Variants in MYO18B observed in about 807,000 individuals in gnomAD.
MYO18B encodes the protein unconventional myosin-XVIIIb.
In MYO18B, 204 loss-of-function variants were observed where a neutral mutation model predicts 273.0. That is an observed-to-expected ratio of 0.75 (90% confidence interval 0.67 to 0.84). MYO18B has a LOEUF of 0.84. Ranked by LOEUF, MYO18B falls within the 40% of genes least tolerant of loss-of-function variation. MYO18B has a pLI of 0.00. For synonymous variants in MYO18B, 1,330 were observed against 1,305.7 expected (o/e 1.02, Z -0.40); for missense variants, 3,212 against 3,287.6 (o/e 0.98, Z 0.56).
chr22:25,763,259 C>T lies in MYO18B; in HGVS notation c.68C>T (p.Pro23Leu). Reference sequence around the variant, plus strand: ...CGGGAAGAGGACAAGAGCCCTCCACCATCCTCGCCCCCTCCTCTTTTCTCT... The same window carrying T: ...CGGGAAGAGGACAAGAGCCCTCCACTATCCTCGCCCCCTCCTCTTTTCTCT... ...KIREEDKSPP[P>L]SSPPPLFSVI... Residue 23 changes from proline to leucine, a missense_variant, in exon 3 of 44, where the codon CCA (proline) becomes CTA (leucine). Pro to Leu is a moderately conservative substitution (Grantham distance 98). Coordinates refer to ENST00000335473, the MANE Select transcript of MYO18B (RefSeq NM_032608.7). 19 of 1,610,354 alleles carry T rather than the reference C, an allele frequency of 1.2e-5. No individual in the cohort carries two copies. Among genetic ancestry groups the T allele is most frequent in the Non-Finnish European group, 1.6e-5 (19 of 1,177,932 alleles).
At chr22:25,855,876 A>G (rs565660336) in intron 21 of MYO18B, among the ~76,000 whole-genome samples, 1 of 150,926 alleles carries the variant, frequency 6.6e-6, no homozygotes, top group South Asian at 2.1e-4. Flanking sequence ...GTACACATGC[A>G]TGTTTATTAT....
intron 17 of MYO18B, among the ~76,000 whole-genome samples, chr22:25,839,150 GTATA>G (rs758723541): frequency 6.6e-6 from 1 of 151,954 alleles, no homozygotes; most frequent in East Asian, 1.9e-4. Context: ...GTATGAGTGT[GTATA>G]TATGTGTGTG....
Position 26,019,138 on chromosome 22 carries a change from G to A in MYO18B, c.6471-7307G>A, listed in dbSNP as rs180721684. ...TACACTGCTCTCCCCAGGAGGGGAG[G>A]GCAGCCCATCTTCTGCTGCTATGTG... On this transcript the variant is annotated intron_variant, in intron 42 of 43. Coordinates refer to ENST00000335473, the MANE Select transcript of MYO18B (RefSeq NM_032608.7). 3.9e-5 allele frequency among the ~76,000 whole-genome samples: 6 copies of A among 152,186 alleles called. No individual in the cohort carries two copies. The East Asian group carries it at 1.2e-3, about 29-fold the overall frequency.
At chr22:25,924,868 A>G (rs1172155754) in intron 34 of MYO18B, among the ~76,000 whole-genome samples, 1 of 152,190 alleles carries the variant, frequency 6.6e-6, no homozygotes, top group Non-Finnish European at 1.5e-5. Context: ...AGAAGGGACA[A>G]ACTTGGAGCT....
Position 26,027,511 on chromosome 22 carries a change from G to A in MYO18B, c.7537G>A (p.Gly2513Ser), listed in dbSNP as rs7284177. Residue 2513 changes from glycine (G) to serine (S), a missense_variant, in exon 43 of 44, where the codon GGC becomes AGC. By Grantham distance (56) the Gly-to-Ser change is moderately conservative (BLOSUM62 0). Coordinates refer to ENST00000335473, the MANE Select transcript of MYO18B (RefSeq NM_032608.7). This position sits in a 1 kb window ranked among gnomAD's most constrained non-coding sequence, Gnocchi z 4.1. ...AHLSDSSSSSGSIVSFKSADS... is the reference protein window; with the variant it reads ...AHLSDSSSSSSSIVSFKSADS... ...CCTGTCTGACTCGTCCTCATCCTCC[G>A]GCTCCATCGTGTCCTTCAAAAGTGC... 0.027 allele frequency: 44,062 copies of A among 1,613,860 alleles called. 1,778 individuals carry two copies. The highest frequency in any genetic ancestry group is 0.19 in the African/African-American group (13,902 of 74,980).
At chr22:25,947,640 C>T (rs2092730375) in intron 35 of MYO18B, 72 bp from the exon 36 acceptor site, 2 of 1,152,996 alleles carry the variant, frequency 1.7e-6, no homozygotes, top group South Asian at 2.6e-5. Context: ...CCCCTCTTTG[C>T]TCTTCCTCTG....
chr22:25,926,850 G>C (rs1026248290), intron 34 of MYO18B, among the ~76,000 whole-genome samples: 1 of 152,336 alleles, frequency 6.6e-6, no homozygotes, highest in Non-Finnish European at 1.5e-5. Context: ...ACCAGCTGAA[G>C]CCATGGCAGA....
chr22:26,031,497 A>G (rs952558769), downstream of MYO18B, among the ~76,000 whole-genome samples: 1 of 152,050 alleles, frequency 6.6e-6, no homozygotes, highest in Non-Finnish European at 1.5e-5. Context: ...AGATTTCCCC[A>G]TTTTATATTG....
intron 12 of MYO18B, among the ~76,000 whole-genome samples, chr22:25,819,360 T>G (rs2089178005): frequency 6.6e-6 from 1 of 152,210 alleles, no homozygotes; most frequent in East Asian, 1.9e-4. Context: ...CAGAAACAGT[T>G]GCAAGTGTTT....
chr22:25,865,108 G>T (rs189320487), intron 21 of MYO18B, among the ~76,000 whole-genome samples: 1 of 152,310 alleles, frequency 6.6e-6, no homozygotes, highest in Admixed American at 6.5e-5. Flanking sequence ...CAGCATTTAA[G>T]TGCAAAGTAA....
chr22:25,895,398 C>T (rs1418391659), intron 28 of MYO18B, 118 bp downstream of exon 28: 2 of 1,246,376 alleles, frequency 1.6e-6, no homozygotes, highest in Non-Finnish European at 2.2e-6. Context: ...GGACACAAAC[C>T]CCTTAAGGTT....
intron 8 of MYO18B, among the ~76,000 whole-genome samples, chr22:25,778,182 G>A (rs1285054647): frequency 6.6e-6 from 1 of 151,932 alleles, no homozygotes; most frequent in East Asian, 1.9e-4. Flanking sequence ...GACTCGAAGA[G>A]TGAAGCTTCA....
intron 20 of MYO18B, among the ~76,000 whole-genome samples, chr22:25,847,888 CTT>C (rs1295064088): frequency 7.2e-5 from 11 of 151,732 alleles, no homozygotes; most frequent in Non-Finnish European, 8.8e-5. Context: ...ACCCAGCTCT[CTT>C]TGAGTCTGAA....
intron 15 of MYO18B, among the ~76,000 whole-genome samples, chr22:25,831,536 C>G (rs1443350230): frequency 6.6e-6 from 1 of 152,164 alleles, no homozygotes; most frequent in Admixed American, 6.5e-5. Context: ...GCACCTGCCA[C>G]CACGCCTGGC....
Position 25,768,670 on chromosome 22 carries a change from G to T in MYO18B, c.754G>T (p.Glu252Ter). The T allele has an allele frequency of 1.9e-6, 3 of 1,542,862 alleles. No homozygotes were observed. Among genetic ancestry groups the T allele is most frequent in the South Asian group, 2.6e-5 (2 of 77,178 alleles). Residue 252 changes from glutamate (E) to a stop codon, truncating the protein, a stop_gained, in exon 4 of 44, where the codon GAG (glutamate) becomes TAG (stop). Coordinates refer to ENST00000335473, the MANE Select transcript of MYO18B (RefSeq NM_032608.7). LOFTEE classifies it high-confidence loss of function. ...GKGLGTPKTTELKEAEPQGKD... is the reference protein window; with the variant it reads ...GKGLGTPKTT ...GGGGCTTGGGACCCCCAAGACCACA[G>T]AGCTGAAAGAGGCTGAGCCCCAGGG...
chr22:25,947,503 C>G lies in MYO18B; in HGVS notation c.5632-209C>G, dbSNP rs866370546. On this transcript the variant is annotated intron_variant, in intron 35 of 43. Coordinates refer to ENST00000335473, the MANE Select transcript of MYO18B (RefSeq NM_032608.7). ...AATGCCTAATACACACACACACACA[C>G]ACACACACACACACACACACACACA... Among the ~76,000 whole-genome samples, 12,756 of 135,002 alleles carry G rather than the reference C, an allele frequency of 0.094. 628 individuals carry two copies. Among genetic ancestry groups the G allele is most frequent in the Middle Eastern group, 0.12 (33 of 270 alleles). The allele number at this position is 135,002 out of a possible 152,430, so 88.6% of individuals were successfully genotyped here.
chr22:25,759,326 T>C (rs2086228059), intron 1 of MYO18B, among the ~76,000 whole-genome samples: 1 of 150,736 alleles, frequency 6.6e-6, no homozygotes. Context: ...ATGTGGCACA[T>C]GTAATACTAT....
At chr22:25,926,469 G>A (rs1193917158) in intron 34 of MYO18B, among the ~76,000 whole-genome samples, 1 of 152,002 alleles carries the variant, frequency 6.6e-6, no homozygotes, top group African/African-American at 2.4e-5. Context: ...ATTTTTAGTA[G>A]AGATGGGGTT....
intron 42 of MYO18B, among the ~76,000 whole-genome samples, chr22:26,017,506 A>G (rs76859545): frequency 1.1e-3 from 165 of 152,276 alleles, no homozygotes; most frequent in African/African-American, 3.7e-3. Context: ...TTTCTAACGT[A>G]TCAGTATCGC....
Sources: allele counts gnomAD v4.1 joint callset (sites outside exome capture counted in the v4.1 genomes callset), GRCh38; gene constraint gnomAD v4.1.1; non-coding constraint Gnocchi (gnomAD v3.1); transcripts MANE v1.5; gene names NCBI Gene and HGNC (gene_info 2026-07-23, HGNC 2026-07-21).